CYSLTR2: variants seen among roughly 807,000 people sequenced by gnomAD.
CYSLTR2 encodes cysteinyl leukotriene receptor 2, also known as G-protein coupled receptor GPCR21.
For missense variants in CYSLTR2, 398 were observed against 411.9 expected, an observed-to-expected ratio of 0.97 and a Z score of 0.29; for synonymous variants, 179 against 160.8, an observed-to-expected ratio of 1.11 and a Z score of -0.86.
chr13:48,667,936 C>A (rs1043355587), intron 1 of CYSLTR2, among the ~76,000 whole-genome samples: 1 of 152,118 alleles, frequency 6.6e-6, no homozygotes, highest in African/African-American at 2.4e-5. Context: ...GAAGAGGAAG[C>A]CTAATGTGGC....
chr13:48,691,769 G>A (rs1048246933), intron 2 of CYSLTR2, among the ~76,000 whole-genome samples: 1 of 151,968 alleles, frequency 6.6e-6, no homozygotes, highest in Admixed American at 6.6e-5. Context: ...GCTTAAACAT[G>A]AGCATTCTTT....
At chr13:48,701,910 G>A (rs1954358771) in intron 4 of CYSLTR2, among the ~76,000 whole-genome samples, 2 of 152,012 alleles carry the variant, frequency 1.3e-5, no homozygotes, top group Non-Finnish European at 2.9e-5. Context: ...CCCATTACTG[G>A]GCATATACCC....
chr13:48,658,713 G>A (rs890891098), intron 1 of CYSLTR2, among the ~76,000 whole-genome samples: 6 of 152,224 alleles, frequency 3.9e-5, no homozygotes, highest in Admixed American at 2.6e-4. Context: ...ATGAGCTGGA[G>A]CTCAGAAGAA....
intron 1 of CYSLTR2, among the ~76,000 whole-genome samples, chr13:48,667,721 T>C (rs527899298): frequency 6.6e-6 from 1 of 152,352 alleles, no homozygotes; most frequent in Non-Finnish European, 1.5e-5. Flanking sequence ...AACATTTCTA[T>C]GATTTATAAA....
chr13:48,669,989 A>C (rs1231247408), intron 1 of CYSLTR2, among the ~76,000 whole-genome samples: 1 of 152,224 alleles, frequency 6.6e-6, no homozygotes, highest in Non-Finnish European at 1.5e-5. Context: ...GTGAGATAGT[A>C]TCTCATTGTG....
chr13:48,707,617 G>A lies in CYSLTR2; in HGVS notation c.800G>A (p.Arg267Lys). 1.2e-6 allele frequency: 2 copies of A among 1,612,744 alleles called. No individual in the cohort carries two copies. The highest frequency in any genetic ancestry group is 1.7e-6 in the Non-Finnish European group (2 of 1,180,004). The change falls in exon 5 of 5, where the codon AGG becomes AAG. Residue 267 changes from arginine to lysine, a missense_variant. By Grantham distance (26) the Arg-to-Lys change is conservative. Transcript: ENST00000682523. ...FLCFLPYHTL[R>K]TVHLTTWKVG... ...TGTTTCCTGCCCTATCACACACTGA[G>A]GACCGTCCACTTGACGACATGGAAA...
intron 3 of CYSLTR2, among the ~76,000 whole-genome samples, chr13:48,694,117 C>T (rs916318164): frequency 2.6e-5 from 4 of 152,098 alleles, no homozygotes; most frequent in African/African-American, 4.8e-5. Context: ...CTTGATTCTC[C>T]GATCTTGAGT....
Position 48,707,489 on chromosome 13 carries a change from C to T in CYSLTR2, c.672C>T (p.Ile224=). ...CACTCAGCATCTGTTATCTGCTGAT[C>T]ATTCGGGTTCTGTTAAAAGTGGAGG... The part of the protein sequence containing the change: ...FFTLSICYLL[I]IRVLLKVEVP... Residue 224 remains isoleucine (I), a synonymous_variant, in exon 5 of 5, where the codon ATC becomes ATT. Transcript: ENST00000682523. 1 of 1,612,958 alleles carries T rather than the reference C, an allele frequency of 6.2e-7. No individual in the cohort carries two copies. Among genetic ancestry groups the T allele is most frequent in the Non-Finnish European group, 8.5e-7 (1 of 1,180,032 alleles).
intron 4 of CYSLTR2, among the ~76,000 whole-genome samples, chr13:48,697,738 C>T (rs1455469178): frequency 6.6e-6 from 1 of 152,186 alleles, no homozygotes; most frequent in Non-Finnish European, 1.5e-5. Context: ...GGAGGATGTT[C>T]TAACCCATCA....
At position 48,707,568 on chromosome 13, in the gene CYSLTR2, A is replaced by G. The variant is rs200866083; in HGVS notation, c.751A>G (p.Ile251Val). The change falls in exon 5 of 5, where the codon ATC becomes GTC. Residue 251 changes from isoleucine (I) to valine (V), a missense_variant. Transcript: ENST00000682523. Reference protein sequence around the residue: ...SHRKALTTIIITLIIFFLCFL... With the variant: ...SHRKALTTIIVTLIIFFLCFL... ...CAGGAAGGCACTGACCACCATCATC[A>G]TCACCTTGATCATCTTCTTCTTGTG... is the stretch of plus-strand genomic sequence containing the variant. The G allele has an allele frequency of 1.5e-4, 234 of 1,608,796 alleles. No individual in the cohort carries two copies. In the South Asian group the frequency reaches 2.3e-3, roughly 15 times the overall value.
chr13:48,679,732 A>G (rs1953698820), intron 1 of CYSLTR2, among the ~76,000 whole-genome samples: 1 of 152,196 alleles, frequency 6.6e-6, no homozygotes, highest in South Asian at 2.1e-4. Flanking sequence ...ATGAAGGAGC[A>G]TCTGTGGCTT....
intron 4 of CYSLTR2, among the ~76,000 whole-genome samples, chr13:48,703,083 A>C (rs1218175453): frequency 1.3e-5 from 2 of 152,086 alleles, no homozygotes. Flanking sequence ...CAGTGTGCTC[A>C]TATGTGTATT....
chr13:48,700,500 G>A (rs560137762), intron 4 of CYSLTR2, among the ~76,000 whole-genome samples: 1 of 152,112 alleles, frequency 6.6e-6, no homozygotes, highest in African/African-American at 2.4e-5. Flanking sequence ...CAATAAACTA[G>A]GTATTTGGAC....
rs147318772 is a variant in CYSLTR2 at position 48,658,279 on chromosome 13, C to G, written c.-266+4262C>G. On this transcript the variant is annotated intron_variant, in intron 1 of 4. Coordinates refer to ENST00000682523, the MANE Select transcript of CYSLTR2 (RefSeq NM_001308476.3). Reference sequence around the variant, plus strand: ...CATTGACCATTTACCCTATATTCCTCTTCCCAGACTTTAGATTTGAATTTC... The same window carrying G: ...CATTGACCATTTACCCTATATTCCTGTTCCCAGACTTTAGATTTGAATTTC... Among the ~76,000 whole-genome samples the G allele has an allele frequency of 4.9e-3, 739 of 152,334 alleles. 3 individuals carry two copies. Among genetic ancestry groups the G allele is most frequent in the Middle Eastern group, 0.014 (4 of 294 alleles).
At chr13:48,689,352 G>A (rs562661670) in intron 1 of CYSLTR2, among the ~76,000 whole-genome samples, 7 of 152,118 alleles carry the variant, frequency 4.6e-5, no homozygotes, top group Non-Finnish European at 7.4e-5. Flanking sequence ...TGAATGTATT[G>A]CCTAGGTTTT....
intron 4 of CYSLTR2, among the ~76,000 whole-genome samples, chr13:48,705,973 TTTG>T (rs1042461171): frequency 1.3e-5 from 2 of 150,824 alleles, no homozygotes; most frequent in African/African-American, 4.9e-5. Flanking sequence ...TCTTTGTTTG[TTTG>T]TTTTTTGTTT....
chr13:48,671,451 T>C (rs1419127502), intron 1 of CYSLTR2, among the ~76,000 whole-genome samples: 1 of 152,150 alleles, frequency 6.6e-6, no homozygotes, highest in Non-Finnish European at 1.5e-5. Context: ...CATATGTTCC[T>C]TCAACATCTA....
chr13:48,663,564 A>G (rs938948606), intron 1 of CYSLTR2, among the ~76,000 whole-genome samples: 1 of 151,688 alleles, frequency 6.6e-6, no homozygotes, highest in African/African-American at 2.4e-5. Context: ...CCTTGGTTAC[A>G]TTTCTTCCTA....
intron 1 of CYSLTR2, among the ~76,000 whole-genome samples, chr13:48,673,388 T>C (rs748604764): frequency 6.6e-6 from 1 of 151,924 alleles, no homozygotes; most frequent in South Asian, 2.1e-4. Context: ...TTGATCTTTG[T>C]TGGTTTAAAG....
Sources: gnomAD v4.1 joint callset for allele counts (sites outside exome capture counted in the v4.1 genomes callset) on GRCh38, gnomAD v4.1.1 for gene constraint, MANE v1.5 for transcripts, NCBI Gene and HGNC (gene_info 2026-07-23, HGNC 2026-07-21) for gene names.